CEP85: variants seen among roughly 807,000 people sequenced by gnomAD.
CEP85 encodes the protein centrosomal protein 85, also known as centrosomal protein of 85 kDa.
Under a neutral mutation model 93.7 loss-of-function variants are expected in CEP85, and 58 were observed. The observed-to-expected ratio is 0.62, with a 90% CI of 0.50 to 0.77. CEP85 has a LOEUF of 0.77. CEP85 is among the 30% of genes least tolerant of loss of function. The pLI is 0.00. For missense variants in CEP85, 868 were observed against 922.0 expected, an observed-to-expected ratio of 0.94 and a Z score of 0.76; for synonymous variants, 314 against 338.6, an observed-to-expected ratio of 0.93 and a Z score of 0.80.
rs1366165965 is a variant in CEP85, at chr1:26,234,248, A to C, written c.-85A>C. 1.3e-5 allele frequency: 2 copies of C among 152,264 alleles called. No individual in the cohort carries two copies. Among genetic ancestry groups the C allele is most frequent in the African/African-American group, 4.8e-5 (2 of 41,452 alleles). 9.4% of individuals were successfully genotyped at this position (152,264 alleles called of 1,614,324 possible). A position where few individuals can be genotyped will look rare whatever the true frequency, so the allele number is the denominator to read the frequency against. On this transcript the variant is annotated 5_prime_UTR_variant, in exon 1 of 14. Coordinates refer to ENST00000451429, the MANE Select transcript of CEP85 (RefSeq NM_001319944.2). ...GAGGGAGGGAACCACCGCTCACCGCAGACGTGGTGGCTGCAGTCAGTCTTC... is the reference window on the plus strand; with the variant it reads ...GAGGGAGGGAACCACCGCTCACCGCCGACGTGGTGGCTGCAGTCAGTCTTC...
At chr1:26,268,415 A>G in intron 7 of CEP85, 68 bp from the exon 8 acceptor site, 9 of 1,561,504 alleles carry the variant, frequency 5.8e-6, no homozygotes, top group Non-Finnish European at 7.9e-6. Flanking sequence ...CTGAGATCAC[A>G]GCACTGCACT....
rs1192252673 is a variant in CEP85 at position 26,235,567 on chromosome 1, C to CTTTTTT, written c.-23+1272_-23+1277dup. The stretch of plus-strand genomic sequence containing the variant: ...GATGTTCCACACTTAGATTGTAATT[C>CTTTTTT]TTTTTTTTTTTTTTTTTTTTGTGAG... On this transcript the variant is annotated intron_variant, in intron 1 of 13. Transcript: ENST00000451429. 2.3e-3 allele frequency among the ~76,000 whole-genome samples: 217 copies of CTTTTTT among 95,510 alleles called. 10 individuals are homozygous for CTTTTTT. The highest frequency in any genetic ancestry group is 5.5e-3 in the African/African-American group (124 of 22,696). The allele number at this position is 95,510 out of a possible 152,430, so 62.7% of individuals were successfully genotyped here.
chr1:26,263,634 A>G (rs1024089165), intron 7 of CEP85, among the ~76,000 whole-genome samples: 10 of 152,074 alleles, frequency 6.6e-5, no homozygotes, highest in African/African-American at 2.4e-4. Flanking sequence ...GTAAGCCATG[A>G]TCTCACAGTT....
intron 12 of CEP85, among the ~76,000 whole-genome samples, chr1:26,275,289 T>G (rs1055706702): frequency 2.0e-5 from 3 of 151,724 alleles, no homozygotes; most frequent in South Asian, 2.1e-4. Flanking sequence ...GAAGGTTTTT[T>G]TTTTTTTTTT....
chr1:26,248,083 G>A (rs748151370), intron 3 of CEP85, among the ~76,000 whole-genome samples: 2 of 152,134 alleles, frequency 1.3e-5, no homozygotes, highest in Non-Finnish European at 2.9e-5. Context: ...GCCTCTGCTC[G>A]TTTTGATTGG....
chr1:26,263,996 C>T (rs1460186535), intron 7 of CEP85, among the ~76,000 whole-genome samples: 2 of 152,206 alleles, frequency 1.3e-5, no homozygotes, highest in Non-Finnish European at 2.9e-5. Context: ...CCCCCGTGTA[C>T]ACCAAGGGAC....
At chr1:26,241,434 C>T (rs758005210) in intron 2 of CEP85, among the ~76,000 whole-genome samples, 3 of 151,844 alleles carry the variant, frequency 2.0e-5, no homozygotes, top group South Asian at 2.1e-4. Context: ...TTAATAGAGA[C>T]GGGGTTTCAC....
chr1:26,277,096 C>T, intron 13 of CEP85, 40 bp from the exon 14 acceptor site: 3 of 1,598,614 alleles, frequency 1.9e-6, no homozygotes, highest in African/African-American at 1.3e-5. Flanking sequence ...GAAAATGTCT[C>T]ATAACTAACA....
intron 7 of CEP85, among the ~76,000 whole-genome samples, chr1:26,261,006 G>T: frequency 6.6e-6 from 1 of 151,346 alleles, no homozygotes; most frequent in African/African-American, 2.4e-5. Flanking sequence ...GGCCAGGCTG[G>T]TCTCGAACTC....
At chr1:26,254,904 T>C (rs1446032791) in intron 3 of CEP85, 1 of 431,680 alleles carries the variant, frequency 2.3e-6, no homozygotes, top group Non-Finnish European at 4.1e-6. Flanking sequence ...GTCTGTTGAC[T>C]GACAAGATTT....
At chr1:26,236,134 A>C (rs1394918606) in intron 1 of CEP85, among the ~76,000 whole-genome samples, 2 of 152,202 alleles carry the variant, frequency 1.3e-5, no homozygotes, top group Non-Finnish European at 2.9e-5. Flanking sequence ...GCGTTAGAGT[A>C]CAGTCCTGGC....
intron 12 of CEP85, among the ~76,000 whole-genome samples, chr1:26,276,210 G>A (rs1430505752): frequency 6.6e-6 from 1 of 152,174 alleles, no homozygotes; most frequent in Non-Finnish European, 1.5e-5. Flanking sequence ...GTTGGCTGAG[G>A]GACTGGCTTG....
At chr1:26,247,043 C>T (rs961731556) in intron 3 of CEP85, among the ~76,000 whole-genome samples, 13 of 152,136 alleles carry the variant, frequency 8.5e-5, no homozygotes, top group Admixed American at 2.0e-4. Flanking sequence ...AGATCAGTGG[C>T]GGGATTAAAT....
In CEP85 at chr1:26,255,231, C is replaced by T; in HGVS notation, c.269C>T (p.Pro90Leu). 1 of 1,614,168 alleles carries T rather than the reference C, an allele frequency of 6.2e-7. No individual in the cohort carries two copies. Among genetic ancestry groups the T allele is most frequent in the Non-Finnish European group, 8.5e-7 (1 of 1,180,036 alleles). ...FQPIKSHVTIPTAHVMPSTLG... is the reference protein window; with the variant it reads ...FQPIKSHVTILTAHVMPSTLG... ...CCCATCAAAAGCCACGTAACCATTC[C>T]AACAGCCCATGTGATGCCTTCTACT... The change falls in exon 4 of 14, where the codon CCA becomes CTA. Residue 90 changes from proline to leucine, a missense_variant. Pro to Leu is a moderately conservative substitution (Grantham distance 98). Coordinates refer to ENST00000451429, the MANE Select transcript of CEP85 (RefSeq NM_001319944.2).
intron 3 of CEP85, among the ~76,000 whole-genome samples, chr1:26,253,183 G>A (rs1024308127): frequency 7.9e-5 from 12 of 151,974 alleles, no homozygotes; most frequent in African/African-American, 2.9e-4. Flanking sequence ...AGTAAACATG[G>A]GATTGTAGAT....
rs561106166 is a variant in CEP85 at position 26,262,405 on chromosome 1, G to A, written c.1341+2603G>A. On this transcript the variant is annotated intron_variant, in intron 7 of 13. Transcript: ENST00000451429. The stretch of plus-strand genomic sequence containing the variant: ...GGGCAAGAGAGTTGCTTGAACCCAG[G>A]AGGTAGATGTTGCAGTGAGCCGAGA... 3.3e-5 allele frequency among the ~76,000 whole-genome samples: 5 copies of A among 152,106 alleles called. No individual in the cohort carries two copies. The South Asian group carries it at 8.3e-4, about 25-fold the overall frequency.
At chr1:26,237,097 A>T (rs919094028) in intron 1 of CEP85, among the ~76,000 whole-genome samples, 3 of 152,228 alleles carry the variant, frequency 2.0e-5, no homozygotes, top group Middle Eastern at 3.4e-3. Context: ...CTCCACCACC[A>T]CTACCACCAT....
intron 3 of CEP85, among the ~76,000 whole-genome samples, chr1:26,248,376 T>G (rs1235383314): frequency 6.6e-6 from 1 of 152,208 alleles, no homozygotes; most frequent in Non-Finnish European, 1.5e-5. Flanking sequence ...CTACACAGAT[T>G]GTGTGTGTGA....
intron 7 of CEP85, among the ~76,000 whole-genome samples, chr1:26,262,555 G>A (rs1193853364): frequency 6.6e-6 from 1 of 152,072 alleles, no homozygotes; most frequent in African/African-American, 2.4e-5. Flanking sequence ...AGTCCTCGCT[G>A]ACAAAGAAAT....
Sources: allele counts gnomAD v4.1 joint callset (sites outside exome capture counted in the v4.1 genomes callset), GRCh38; gene constraint gnomAD v4.1.1; transcripts MANE v1.5; gene names NCBI Gene and HGNC (gene_info 2026-07-23, HGNC 2026-07-21).